CIITA: variants seen among roughly 807,000 people sequenced by gnomAD.
CIITA encodes the protein class II major histocompatibility complex transactivator.
Under a neutral mutation model 115.1 loss-of-function variants are expected in CIITA, and 72 were observed. The observed-to-expected ratio is 0.63, with a 90% CI of 0.52 to 0.76. The LOEUF (loss-of-function observed/expected upper bound fraction) is 0.76, where lower values mean the gene tolerates loss of function less well. Among genes scored for constraint, CIITA ranks in the 30% least tolerant of loss-of-function variants. CIITA has a pLI of 0.00. For synonymous variants in CIITA, 763 were observed against 635.6 expected (o/e 1.20, Z -3.02); for missense variants, 1,617 against 1,463.8 (o/e 1.10, Z -1.71).
rs1474911243 is a variant in CIITA, at chr16:10,934,149, G to A, written c.*10294G>A. The A allele has an allele frequency of 1.3e-5, 2 of 152,244 alleles. No individual in the cohort carries two copies. Among genetic ancestry groups the A allele is most frequent in the African/African-American group, 4.8e-5 (2 of 41,446 alleles). 9.4% of individuals were successfully genotyped at this position (152,244 alleles called of 1,614,324 possible). On this transcript the variant is annotated 3_prime_UTR_variant, in exon 20 of 20. Transcript: ENST00000324288. This position sits in a 1 kb window ranked among gnomAD's most constrained non-coding sequence, Gnocchi z 4.2. ...CGTGCCTCCAGCTGGTCACGCCCAA[G>A]ACTCCCTGAGCCCTCTGGAAGGGCA...
upstream of CIITA, among the ~76,000 whole-genome samples, chr16:10,875,374 G>A (rs554155357): frequency 4.1e-4 from 62 of 152,166 alleles, no homozygotes; most frequent in Middle Eastern, 3.4e-3. Context: ...CTCACCCGGG[G>A]ACTTCTGAAA....
Position 10,941,463 on chromosome 16 carries a change from A to G in CIITA, n.589A>G, listed in dbSNP as rs2041100795. On this transcript the variant is annotated non_coding_transcript_exon_variant, in exon 2 of 2. Coordinates refer to the CIITA transcript ENST00000573379. This position sits in a 1 kb window ranked among gnomAD's most constrained non-coding sequence, Gnocchi z 6.4. ...ATCCAGTTAGACCTGGAGGAGGTGAACGGAGGAGAAGCCTGAGGGAGGGGT... is the reference window on the plus strand; with the variant it reads ...ATCCAGTTAGACCTGGAGGAGGTGAGCGGAGGAGAAGCCTGAGGGAGGGGT... 1.7e-6 allele frequency: 2 copies of G among 1,159,542 alleles called. No individual in the cohort carries two copies. Among genetic ancestry groups the G allele is most frequent in the Admixed American group, 7.2e-5 (2 of 27,724 alleles). 71.8% of individuals were successfully genotyped at this position (1,159,542 alleles called of 1,614,324 possible).
At chr16:10,913,884 T>C (rs1251339826) in intron 13 of CIITA, among the ~76,000 whole-genome samples, 1 of 151,742 alleles carries the variant, frequency 6.6e-6, no homozygotes, top group East Asian at 2.0e-4. Flanking sequence ...GAGGTTGCGG[T>C]GAGCTGAGAT....
intron 13 of CIITA, 112 bp from the exon 14 acceptor site, chr16:10,915,433 AAGAGGCTGGGGTGGAAGGGAAGAGG>A (rs1012385813): frequency 9.6e-6 from 7 of 731,744 alleles, no homozygotes; most frequent in African/African-American, 6.9e-5. Context: ...GCAGGGACCT[AAGAGGCTGGGGTGGAAGGGAAGAGG>A]AGGGGCCTCA....
At chr16:10,875,394 G>C (rs574187262), upstream of CIITA, among the ~76,000 whole-genome samples, 5 of 152,076 alleles carry the variant, frequency 3.3e-5, no homozygotes, top group Non-Finnish European at 7.4e-5. Context: ...AACAGTGAAG[G>C]CTTCAAAGTA....
At position 10,942,244 on chromosome 16, in the gene CIITA, G is replaced by A. The variant is rs2041112090; in HGVS notation, n.1370G>A. 2.7e-6 allele frequency: 1 copy of A among 368,526 alleles called. No individual in the cohort carries two copies. The highest frequency in any genetic ancestry group is 4.9e-6 in the Non-Finnish European group (1 of 205,666). 22.8% of individuals were successfully genotyped at this position (368,526 alleles called of 1,614,324 possible). A position where few individuals can be genotyped will look rare whatever the true frequency, so the allele number is the denominator to read the frequency against. ...TCTCGACCGCCCGGGCGGCGAGGCG[G>A]GCCCCCCTGAAGTGGCCCGCGGCTG... On this transcript the variant is annotated non_coding_transcript_exon_variant, in exon 2 of 2. Transcript: ENST00000573379. The surrounding 1 kb of genome is among the most constrained non-coding windows in gnomAD (Gnocchi z 5.0).
At chr16:10,899,806 G>A (rs143085749) in intron 5 of CIITA, among the ~76,000 whole-genome samples, 9 of 152,326 alleles carry the variant, frequency 5.9e-5, no homozygotes, top group African/African-American at 1.9e-4. Flanking sequence ...AAGGCTGGGC[G>A]CAGCGGCTCA....
At chr16:10,921,308 C>T (rs1267157453) in intron 16 of CIITA, among the ~76,000 whole-genome samples, 1 of 152,206 alleles carries the variant, frequency 6.6e-6, no homozygotes, top group Non-Finnish European at 1.5e-5. Flanking sequence ...ATCAGTGACA[C>T]TCATCATGCT....
In CIITA at chr16:10,879,019, C is replaced by T. The variant is rs567509613; in HGVS notation, c.52+1637C>T. 28 of 218,602 alleles carry T rather than the reference C, an allele frequency of 1.3e-4. No homozygotes were observed. In the Admixed American group the frequency reaches 1.6e-3, roughly 12 times the overall value. 13.5% of individuals were successfully genotyped at this position (218,602 alleles called of 1,614,324 possible). On this transcript the variant is annotated intron_variant, in intron 1 of 19. Transcript: ENST00000324288. The surrounding 1 kb of genome is among the most constrained non-coding windows in gnomAD (Gnocchi z 4.3). ...CGGGAGGGAGAGGCCACCAGCAGCGCGCGCGGGAGCCCGGGGAACAGCGGT... is the reference window on the plus strand; with the variant it reads ...CGGGAGGGAGAGGCCACCAGCAGCGTGCGCGGGAGCCCGGGGAACAGCGGT...
intron 1 of CIITA, among the ~76,000 whole-genome samples, chr16:10,878,209 C>G (rs1005258377): frequency 1.3e-5 from 2 of 152,124 alleles, no homozygotes; most frequent in East Asian, 3.9e-4. Flanking sequence ...TCAGACTCCC[C>G]TGAAATGTAT....
At position 10,879,714 on chromosome 16, in the gene CIITA, ACC is replaced by A. The variant is rs2036226132; in HGVS notation, c.52+2334_52+2335del. Among the ~76,000 whole-genome samples, 1 of 152,082 alleles carries A rather than the reference ACC, an allele frequency of 6.6e-6. No individual in the cohort carries two copies. The highest frequency in any genetic ancestry group is 2.4e-5 in the African/African-American group (1 of 41,384). On this transcript the variant is annotated intron_variant, in intron 1 of 19. Transcript: ENST00000324288. The surrounding 1 kb of genome is among the most constrained non-coding windows in gnomAD (Gnocchi z 4.3). ...ACCTCGCTTTGGGGCCCTGAGTCACACCCTCTAAGGAGAGAGGCTAAAGCGCC... is the reference window on the plus strand; with the variant it reads ...ACCTCGCTTTGGGGCCCTGAGTCACACTCTAAGGAGAGAGGCTAAAGCGCC...
chr16:10,903,676 C>T, intron 8 of CIITA, 55 bp from the exon 9 acceptor site: 2 of 1,600,486 alleles, frequency 1.2e-6, no homozygotes, highest in Non-Finnish European at 1.7e-6. Flanking sequence ...GACCCAAGTG[C>T]ATTTCTGGAA....
intron 1 of CIITA, 41 bp from the exon 2 acceptor site, chr16:10,895,241 C>T: frequency 6.2e-7 from 1 of 1,611,728 alleles, no homozygotes; most frequent in Non-Finnish European, 8.5e-7. Flanking sequence ...TGCCTCTTTC[C>T]AACACCCTGT....
intron 1 of CIITA, among the ~76,000 whole-genome samples, chr16:10,894,172 T>G (rs1335014834): frequency 1.3e-5 from 2 of 152,144 alleles, no homozygotes; most frequent in Non-Finnish European, 2.9e-5. Flanking sequence ...TATGTCTCCA[T>G]GGATTTGCCT....
chr16:10,908,169 G>T lies in CIITA; in HGVS notation c.2657+20G>T. 1 of 1,552,636 alleles carries T rather than the reference G, an allele frequency of 6.4e-7. No individual in the cohort carries two copies. The highest frequency in any genetic ancestry group is 8.7e-7 in the Non-Finnish European group (1 of 1,147,904). ...TTTCAGGTGGGGTGAGGGGCTTGGG[G>T]AAGAGACATCCTTGTGTTGGGCATT... On this transcript the variant is annotated intron_variant, in intron 11 of 19. Transcript: ENST00000324288.
At chr16:10,866,543 A>C in intron 1 of CIITA, 1 of 550,062 alleles carries the variant, frequency 1.8e-6, no homozygotes. Context: ...CCAGCAGCCG[A>C]GAGGGGCCCC....
intron 16 of CIITA, among the ~76,000 whole-genome samples, 178 bp from the exon 17 acceptor site, chr16:10,921,989 T>C (rs994156555): frequency 6.6e-6 from 1 of 152,214 alleles, no homozygotes; most frequent in South Asian, 2.1e-4. Flanking sequence ...ATGGGAACCA[T>C]CCCAATGGCC....
At chr16:10,893,481 T>G (rs2037797458) in intron 1 of CIITA, among the ~76,000 whole-genome samples, 1 of 152,118 alleles carries the variant, frequency 6.6e-6, no homozygotes, top group African/African-American at 2.4e-5. Flanking sequence ...TTCCTAGGTT[T>G]TAACAGCTTT....
chr16:10,891,851 G>A (rs1359018069), intron 1 of CIITA, among the ~76,000 whole-genome samples: 1 of 152,198 alleles, frequency 6.6e-6, no homozygotes, highest in Admixed American at 6.5e-5. Flanking sequence ...AGTCATGGTT[G>A]GCTGGGATCT....
Sources: allele counts gnomAD v4.1 joint callset (sites outside exome capture counted in the v4.1 genomes callset), GRCh38; gene constraint gnomAD v4.1.1; non-coding constraint Gnocchi (gnomAD v3.1); transcripts MANE v1.5; gene names NCBI Gene and HGNC (gene_info 2026-07-23, HGNC 2026-07-21).